Variants in PHF21B observed in about 807,000 individuals in gnomAD.
PHF21B encodes the protein PHD finger protein 4.
A neutral mutation model predicts 62.2 loss-of-function variants in PHF21B; 22 were observed. The observed-to-expected ratio is 0.35, with a 90% confidence interval of 0.25 to 0.51. The LOEUF (loss-of-function observed/expected upper bound fraction) is 0.51, where lower values mean the gene tolerates loss of function less well. Ranked by LOEUF, PHF21B falls within the 20% of genes least tolerant of loss-of-function variation. The probability of loss-of-function intolerance (pLI) is 0.97; values close to 1 mark genes in which losing one functional copy is unlikely to be tolerated. For missense variants in PHF21B, 701 were observed against 707.9 expected (o/e 0.99, Z 0.11); for synonymous variants, 341 against 314.7 (o/e 1.08, Z -0.88).
intron 2 of PHF21B, among the ~76,000 whole-genome samples, chr22:44,932,036 G>T (rs541152459): frequency 6.6e-6 from 1 of 152,210 alleles, no homozygotes; most frequent in Admixed American, 6.5e-5. Flanking sequence ...AGGGAAAGAC[G>T]CAGCCTTGAG....
At chr22:44,999,353 A>G (rs1055352011) in intron 2 of PHF21B, among the ~76,000 whole-genome samples, 1 of 151,580 alleles carries the variant, frequency 6.6e-6, no homozygotes, top group Non-Finnish European at 1.5e-5. Flanking sequence ...GGAGGAGGAA[A>G]CCCCCCAGCT....
In PHF21B at chr22:44,914,067, A is replaced by C; in HGVS notation, c.586T>G (p.Ser196Ala). ...CAGTGATGGGTTGCGGGGTGAGGGG[A>C]AGAGAGGAGGCGTGGAGGAGGCTGG... ...DNKPPPRLLSSPHPATHHCPL... is the reference protein window; with the variant it reads ...DNKPPPRLLSAPHPATHHCPL... The change falls in exon 5 of 13, where the codon TCC becomes GCC. Residue 196 changes from serine to alanine, a missense_variant. Ser to Ala is a moderately conservative substitution (Grantham distance 99). Coordinates refer to ENST00000313237, the MANE Select transcript of PHF21B (RefSeq NM_138415.5). The C allele has an allele frequency of 8.3e-7, 1 of 1,208,302 alleles. No homozygotes were observed. The highest frequency in any genetic ancestry group is 1.2e-6 in the Non-Finnish European group (1 of 845,158). The allele number at this position is 1,208,302 out of a possible 1,614,324, so 74.8% of individuals were successfully genotyped here. A position where few individuals can be genotyped will look rare whatever the true frequency, so the allele number is the denominator to read the frequency against.
intron 2 of PHF21B, among the ~76,000 whole-genome samples, chr22:44,949,739 G>A (rs1270990132): frequency 1.3e-5 from 2 of 152,126 alleles, no homozygotes; most frequent in Non-Finnish European, 2.9e-5. Flanking sequence ...TGTGTACCGC[G>A]TCCATCTCCT....
At chr22:44,941,832 T>C (rs1455507089) in intron 2 of PHF21B, among the ~76,000 whole-genome samples, 2 of 152,112 alleles carry the variant, frequency 1.3e-5, no homozygotes, top group East Asian at 3.9e-4. Context: ...TGCCATTGAT[T>C]CATTCACTAA....
intron 2 of PHF21B, among the ~76,000 whole-genome samples, chr22:44,947,812 G>A (rs1249205521): frequency 6.6e-6 from 1 of 152,108 alleles, no homozygotes; most frequent in Non-Finnish European, 1.5e-5. Context: ...TGTCACTTCG[G>A]CTCTGCTTGG....
chr22:44,934,422 C>T (rs1393650269), intron 2 of PHF21B, among the ~76,000 whole-genome samples: 2 of 152,212 alleles, frequency 1.3e-5, no homozygotes, highest in East Asian at 3.8e-4. Context: ...GAAGGGACTT[C>T]CACGAGCAGG....
chr22:44,932,036 G>A lies in PHF21B; in HGVS notation c.121-11546C>T, dbSNP rs541152459. Among the ~76,000 whole-genome samples the A allele has an allele frequency of 2.2e-4, 33 of 152,328 alleles. 1 individual carries two copies. Among genetic ancestry groups the A allele is most frequent in the African/African-American group, 7.0e-4 (29 of 41,578 alleles). On this transcript the variant is annotated intron_variant, in intron 2 of 12. Coordinates refer to ENST00000313237, the MANE Select transcript of PHF21B (RefSeq NM_138415.5). ...AGGAAGGCAGGGCACAGGGAAAGAC[G>A]CAGCCTTGAGGCCTTGGAGAGGGTG...
At position 44,883,038 on chromosome 22, in the gene PHF21B, G is replaced by A. The variant is rs781433225; in HGVS notation, c.*48C>T. 1.4e-5 allele frequency: 21 copies of A among 1,546,564 alleles called. No homozygotes were observed. Among genetic ancestry groups the A allele is most frequent in the Non-Finnish European group, 1.8e-5 (21 of 1,144,670 alleles). On this transcript the variant is annotated 3_prime_UTR_variant, in exon 13 of 13. Transcript: ENST00000313237. ...CCGACAGAACCCCCAGGCTGTGTAA[G>A]CAGGGTCCCAATAACTTTCCGTGGG...
chr22:44,963,976 C>A (rs1444685349), intron 2 of PHF21B, among the ~76,000 whole-genome samples: 1 of 152,246 alleles, frequency 6.6e-6, no homozygotes, highest in African/African-American at 2.4e-5. Flanking sequence ...TGGAAGGGCA[C>A]TGGCTCCAGG....
At chr22:44,918,645 A>C (rs1415048594) in intron 3 of PHF21B, among the ~76,000 whole-genome samples, 3 of 152,234 alleles carry the variant, frequency 2.0e-5, no homozygotes, top group South Asian at 4.1e-4. Flanking sequence ...AGCAGCTGGT[A>C]GCTGGACCCG....
intron 2 of PHF21B, among the ~76,000 whole-genome samples, chr22:44,998,645 G>A (rs2073160426): frequency 6.6e-6 from 1 of 152,116 alleles, no homozygotes; most frequent in Non-Finnish European, 1.5e-5. Context: ...CCCAGCTCTG[G>A]GTACACCCGT....
At chr22:44,976,302 T>C (rs1252167391) in intron 2 of PHF21B, among the ~76,000 whole-genome samples, 1 of 152,256 alleles carries the variant, frequency 6.6e-6, no homozygotes, top group African/African-American at 2.4e-5. Context: ...CATACATTTA[T>C]TATTTCTTTG....
rs2071440502 is a variant in PHF21B at position 44,916,638 on chromosome 22, G to A, written c.214-8C>T. 1 of 1,599,202 alleles carries A rather than the reference G, an allele frequency of 6.3e-7. No individual in the cohort carries two copies. Among genetic ancestry groups the A allele is most frequent in the African/African-American group, 1.3e-5 (1 of 74,932 alleles). ...CAGAGTCTTTGGCCTAACCTGGGAA[G>A]AAGGGACAGGTATGTGGTCAGACAG... On this transcript the variant is annotated splice_polypyrimidine_tract_variant and splice_region_variant and intron_variant, in intron 3 of 12. Transcript: ENST00000313237.
chr22:44,894,919 G>A (rs2147262043), intron 6 of PHF21B, among the ~76,000 whole-genome samples: 1 of 152,286 alleles, frequency 6.6e-6, no homozygotes, highest in Middle Eastern at 3.4e-3. Flanking sequence ...CCTCAGCCAG[G>A]TCCCTCCCCT....
In PHF21B at chr22:44,916,315, T is replaced by C; in HGVS notation, c.529A>G (p.Lys177Glu). 1.9e-6 allele frequency: 3 copies of C among 1,599,776 alleles called. No homozygotes were observed. In the South Asian group the frequency reaches 3.4e-5, roughly 18 times the overall value. ...GCACTGATGAGGAGGGGCTGGACTT[T>C]GATGCTGTCACTGACCACAGACACG... ...TAVSVVSDSI[K>E]VQPLLISADN... Residue 177 changes from lysine (K) to glutamate (E), a missense_variant, in exon 4 of 13, where the codon AAA (lysine) becomes GAA (glutamate). By Grantham distance (56) the Lys-to-Glu change is moderately conservative. Coordinates refer to ENST00000313237, the MANE Select transcript of PHF21B (RefSeq NM_138415.5).
intron 11 of PHF21B, 131 bp from the exon 12 acceptor site, chr22:44,885,660 C>T: frequency 9.5e-7 from 1 of 1,055,380 alleles, no homozygotes. Flanking sequence ...GTGGCTGTGG[C>T]CAAATGCACA....
At chr22:44,998,975 G>A (rs373340508) in intron 2 of PHF21B, among the ~76,000 whole-genome samples, 4 of 152,130 alleles carry the variant, frequency 2.6e-5, no homozygotes, top group East Asian at 3.9e-4. Flanking sequence ...ACTCAACCCT[G>A]AGCAAAAAAA....
At chr22:44,898,219 T>C (rs2071093087) in intron 5 of PHF21B, among the ~76,000 whole-genome samples, 1 of 152,194 alleles carries the variant, frequency 6.6e-6, no homozygotes, top group African/African-American at 2.4e-5. Context: ...CTGGACAGCT[T>C]GAGGAGGACT....
intron 2 of PHF21B, among the ~76,000 whole-genome samples, chr22:44,955,694 TG>T (rs1601641118): frequency 6.6e-6 from 1 of 152,302 alleles, no homozygotes; most frequent in East Asian, 1.9e-4. Context: ...GCCTTAGATT[TG>T]GACTGAATGA....
Sources: gnomAD v4.1 joint callset for allele counts (sites outside exome capture counted in the v4.1 genomes callset) on GRCh38, gnomAD v4.1.1 for gene constraint, MANE v1.5 for transcripts, NCBI Gene and HGNC (gene_info 2026-07-23, HGNC 2026-07-21) for gene names.